KMT2C: variants seen among roughly 807,000 people sequenced by gnomAD.
The protein encoded by KMT2C is histone-lysine N-methyltransferase 2C.
A neutral mutation model predicts 507.9 loss-of-function variants in KMT2C; 88 were observed. The ratio of observed to expected loss-of-function variants is 0.17; its 90% CI spans 0.15 to 0.21. The LOEUF is 0.21. Among genes scored for constraint, KMT2C ranks in the 10% least tolerant of loss-of-function variants. The pLI is 1.00. For missense variants in KMT2C, 4,954 were observed against 5,957.8 expected, an observed-to-expected ratio of 0.83 and a Z score of 5.55; for synonymous variants, 2,049 against 2,080.8, an observed-to-expected ratio of 0.98 and a Z score of 0.42.
At chr7:152,184,777 CTTTT>C (rs903867549) in intron 34 of KMT2C, among the ~76,000 whole-genome samples, 15 of 152,292 alleles carry the variant, frequency 9.8e-5, no homozygotes, top group African/African-American at 3.4e-4. Flanking sequence ...TACTTTCTCC[CTTTT>C]TATTTTTTGA....
chr7:152,401,437 T>G (rs534553287), intron 1 of KMT2C, among the ~76,000 whole-genome samples: 1 of 148,130 alleles, frequency 6.8e-6, no homozygotes, highest in Non-Finnish European at 1.5e-5. Context: ...ACACCTGTAA[T>G]CCCAGCACTT....
At chr7:152,415,015 T>C (rs2097720339) in intron 1 of KMT2C, among the ~76,000 whole-genome samples, 1 of 151,660 alleles carries the variant, frequency 6.6e-6, no homozygotes, top group African/African-American at 2.4e-5. Flanking sequence ...GCAGCTAATT[T>C]TTTATTTTTT....
At chr7:152,415,933 A>G (rs1290824144) in intron 1 of KMT2C, among the ~76,000 whole-genome samples, 2 of 152,198 alleles carry the variant, frequency 1.3e-5, no homozygotes, top group Admixed American at 1.3e-4. Context: ...CTAATCAAGT[A>G]AGTAAAAGCT....
Position 152,263,157 on chromosome 7 carries a change from G to A in KMT2C, c.1185-27C>T, listed in dbSNP as rs1035637978. On this transcript the variant is annotated intron_variant, in intron 8 of 58. Transcript: ENST00000262189. Reference sequence around the variant, plus strand: ...TAAAAAATAAGATAGCATTAATGATGCCTTATCTTTAAACTTATGTTTTGT... The same window carrying A: ...TAAAAAATAAGATAGCATTAATGATACCTTATCTTTAAACTTATGTTTTGT... The A allele has an allele frequency of 5.1e-6, 8 of 1,559,820 alleles. No homozygotes were observed. The Admixed American group carries it at 1.0e-4, about 20-fold the overall frequency.
At position 152,148,358 on chromosome 7, in the gene KMT2C, C is replaced by T. The variant is rs746635358; in HGVS notation, c.13569G>A (p.Arg4523=). ...EQELSYFAVF[R]RVYVQRDEVR... is the part of the protein sequence containing the mutation. ...CCTCATCACGCTGAACATAGACCCT[C>T]CTGAAGACTGCAAAGTAACTTAATT... is the stretch of plus-strand genomic sequence containing the variant. Residue 4523 remains arginine, a synonymous_variant, in exon 52 of 59, where the codon AGG becomes AGA. Coordinates refer to ENST00000262189, the MANE Select transcript of KMT2C (RefSeq NM_170606.3). The surrounding 1 kb of genome is among the most constrained non-coding windows in gnomAD (Gnocchi z 7.1). The T allele has an allele frequency of 2.5e-6, 4 of 1,614,130 alleles. No individual in the cohort carries two copies. The highest frequency in any genetic ancestry group is 3.4e-6 in the Non-Finnish European group (4 of 1,180,052).
intron 1 of KMT2C, among the ~76,000 whole-genome samples, chr7:152,390,974 G>A (rs370125915): frequency 9.4e-5 from 14 of 148,976 alleles, no homozygotes; most frequent in Non-Finnish European, 1.6e-4. Context: ...GTGAAACCCC[G>A]TCTCTACTAA....
rs756646196 is a variant in KMT2C, at chr7:152,330,706, T to A, written c.284A>T (p.Glu95Val). ...IKEQSAEEDA[E>V]AEVDNSKQLI... Reference sequence around the variant, plus strand: ...CTGTTTGCTGTTATCCACTTCTGCTTCAGCATCCTCTTCTGCAGATTGTTC... The same window carrying A: ...CTGTTTGCTGTTATCCACTTCTGCTACAGCATCCTCTTCTGCAGATTGTTC... Residue 95 changes from glutamate (E) to valine (V), a missense_variant, in exon 3 of 59, where the codon GAA (glutamate) becomes GTA (valine). By Grantham distance (121) the Glu-to-Val change is moderately radical. This residue lies in a region of KMT2C where 233 missense variants were observed against 263.6 expected (regional missense o/e 0.88). Coordinates refer to ENST00000262189, the MANE Select transcript of KMT2C (RefSeq NM_170606.3). The A allele has an allele frequency of 2.5e-6, 4 of 1,613,944 alleles. No homozygotes were observed. In the South Asian group the frequency reaches 4.4e-5, roughly 18 times the overall value.
chr7:152,401,507 A>G (rs2116609728), intron 1 of KMT2C, among the ~76,000 whole-genome samples: 1 of 152,028 alleles, frequency 6.6e-6, no homozygotes, highest in Admixed American at 6.5e-5. Flanking sequence ...CCTGGCCAAC[A>G]TGGAGAAGCC....
At chr7:152,180,443 G>T (rs2093395029) in intron 36 of KMT2C, among the ~76,000 whole-genome samples, 1 of 152,048 alleles carries the variant, frequency 6.6e-6, no homozygotes, top group Admixed American at 6.5e-5. Flanking sequence ...TGATGATTTG[G>T]GTCCTTTTCC....
At chr7:152,249,571 T>A (rs1250316154) in intron 13 of KMT2C, among the ~76,000 whole-genome samples, 1 of 150,962 alleles carries the variant, frequency 6.6e-6, no homozygotes, top group African/African-American at 2.4e-5. Context: ...AAATCTCATC[T>A]TCTTTCCCAC....
At position 152,178,016 on chromosome 7, in the gene KMT2C, A is replaced by AT. The variant is rs1491559154; in HGVS notation, c.7443-7_7443-6insA. 1.7e-4 allele frequency: 24 copies of AT among 141,796 alleles called. No homozygotes were observed. Among genetic ancestry groups the AT allele is most frequent in the Middle Eastern group, 2.8e-3 (1 of 352 alleles). 8.8% of individuals were successfully genotyped at this position (141,796 alleles called of 1,614,324 possible). Reference sequence around the variant, plus strand: ...TACCTCCTGGAAATCCAAATCTTTTAAAAAAAAAAAAAAAAAAAAAAAAAA... The same window carrying AT: ...TACCTCCTGGAAATCCAAATCTTTTATAAAAAAAAAAAAAAAAAAAAAAAAA... On this transcript the variant is annotated splice_polypyrimidine_tract_variant and splice_region_variant and intron_variant, in intron 37 of 58. Transcript: ENST00000262189.
chr7:152,245,488 T>A (rs914424234), intron 14 of KMT2C, among the ~76,000 whole-genome samples: 3 of 152,088 alleles, frequency 2.0e-5, no homozygotes, highest in African/African-American at 7.2e-5. Flanking sequence ...ATTTCACCTG[T>A]TTTTGTTTTT....
chr7:152,271,752 T>A lies in KMT2C; in HGVS notation c.1012+1953A>T, dbSNP rs954658190. ...CTTGATTTTACACCACCGACTTAGT[T>A]TGAAGGCTGCTATAAGAAACAGCCC... is the stretch of plus-strand genomic sequence containing the variant. On this transcript the variant is annotated intron_variant, in intron 7 of 58. Transcript: ENST00000262189. Among the ~76,000 whole-genome samples, 37 of 151,930 alleles carry A rather than the reference T, an allele frequency of 2.4e-4. 1 individual carries two copies. The highest frequency in any genetic ancestry group is 8.7e-4 in the African/African-American group (36 of 41,342).
chr7:152,320,625 C>T (rs1379823537), intron 3 of KMT2C, among the ~76,000 whole-genome samples: 1 of 151,878 alleles, frequency 6.6e-6, no homozygotes, highest in Admixed American at 6.6e-5. Flanking sequence ...AAAATTAAAT[C>T]AACAACAGTG....
At chr7:152,284,531 A>C (rs557687893) in intron 6 of KMT2C, among the ~76,000 whole-genome samples, 12 of 152,308 alleles carry the variant, frequency 7.9e-5, no homozygotes, top group African/African-American at 2.4e-4. Context: ...CATAAACAGC[A>C]TAATTTTTTC....
chr7:152,347,105 CAAGGAA>C (rs948728199), intron 2 of KMT2C, among the ~76,000 whole-genome samples: 4 of 151,626 alleles, frequency 2.6e-5, no homozygotes, highest in Admixed American at 2.0e-4. Flanking sequence ...GCCAGGGAGA[CAAGGAA>C]AAGGAAAAGG....
In KMT2C at chr7:152,145,256, A is replaced by G. The variant is rs2129093352; in HGVS notation, c.14071T>C (p.Tyr4691His). 3.7e-6 allele frequency: 6 copies of G among 1,614,178 alleles called. No homozygotes were observed. Among genetic ancestry groups the G allele is most frequent in the South Asian group, 1.1e-5 (1 of 91,080 alleles). Residue 4691 changes from tyrosine to histidine, a missense_variant, in exon 54 of 59, where the codon TAC becomes CAC. Transcript: ENST00000262189. ...AGTTCCATGAGAGGATTTCGGCCGT[A>G]TCGGAAGGTATAATTTTCACATGCC... Reference protein sequence around the residue: ...VEACENYTFRYGRNPLMELPL... With the variant: ...VEACENYTFRHGRNPLMELPL...
chr7:152,205,062 G>C (rs1163379850), intron 25 of KMT2C, 44 bp downstream of exon 25: 2 of 1,301,002 alleles, frequency 1.5e-6, no homozygotes, highest in Non-Finnish European at 2.1e-6. Context: ...CAAGACCAAA[G>C]GGTTACATTA....
intron 6 of KMT2C, among the ~76,000 whole-genome samples, chr7:152,274,129 A>G (rs2096030110): frequency 6.6e-6 from 1 of 152,070 alleles, no homozygotes; most frequent in African/African-American, 2.4e-5. Context: ...ATTTTGAAGC[A>G]TTTTTGAAAC....
Sources: allele counts gnomAD v4.1 joint callset (sites outside exome capture counted in the v4.1 genomes callset), GRCh38; gene constraint gnomAD v4.1.1; regional missense constraint gnomAD v4.1.1; non-coding constraint Gnocchi (gnomAD v3.1); transcripts MANE v1.5; gene names NCBI Gene and HGNC (gene_info 2026-07-23, HGNC 2026-07-21).